The following PTPRT variants were observed in gnomAD, a reference collection of about 807,000 sequenced individuals.
PTPRT encodes the protein receptor-type tyrosine-protein phosphatase T.
A neutral mutation model predicts 176.8 loss-of-function variants in PTPRT; 56 were observed. That is an observed-to-expected ratio of 0.32 (90% CI 0.26 to 0.40). The LOEUF is 0.40. PTPRT is among the 10% of genes least tolerant of loss of function. The pLI is 1.00. For missense variants in PTPRT, 1,540 were observed against 1,908.2 expected (o/e 0.81, Z 3.60); for synonymous variants, 783 against 739.0 (o/e 1.06, Z -0.96).
chr20:42,254,279 C>G (rs1371999048), intron 13 of PTPRT, among the ~76,000 whole-genome samples: 1 of 152,188 alleles, frequency 6.6e-6, no homozygotes, highest in African/African-American at 2.4e-5. Context: ...AGGCCATGAG[C>G]CTTGCTACTC....
At chr20:43,061,936 T>G (rs1018656804) in intron 1 of PTPRT, among the ~76,000 whole-genome samples, 1 of 152,194 alleles carries the variant, frequency 6.6e-6, no homozygotes, top group African/African-American at 2.4e-5. Context: ...GAAGGAACAA[T>G]TGACTGATAC....
At chr20:42,574,197 C>T (rs1269859441) in intron 7 of PTPRT, among the ~76,000 whole-genome samples, 11 of 152,172 alleles carry the variant, frequency 7.2e-5, no homozygotes, top group Non-Finnish European at 1.2e-4. Context: ...ATTTAAAACA[C>T]TCAGAGTTTA....
intron 2 of PTPRT, among the ~76,000 whole-genome samples, chr20:42,861,358 C>T (rs2145793169): frequency 1.3e-5 from 2 of 152,234 alleles, no homozygotes; most frequent in Middle Eastern, 6.8e-3. Context: ...CCTAGACATT[C>T]CCTAACTGAT....
At chr20:42,363,275 T>TAC (rs1349128279) in intron 9 of PTPRT, among the ~76,000 whole-genome samples, 3 of 16,160 alleles carry the variant, frequency 1.9e-4, no homozygotes, top group Admixed American at 1.6e-3. Context: ...TACAATTATA[T>TAC]ATATATATAT....
At chr20:42,701,292 A>G (rs577913224) in intron 6 of PTPRT, among the ~76,000 whole-genome samples, 1 of 152,334 alleles carries the variant, frequency 6.6e-6, no homozygotes, top group South Asian at 2.1e-4. Context: ...TATCCAAACC[A>G]GAATCAGAGA....
intron 1 of PTPRT, among the ~76,000 whole-genome samples, chr20:42,892,534 A>G (rs926980039): frequency 6.6e-6 from 1 of 152,166 alleles, no homozygotes; most frequent in Non-Finnish European, 1.5e-5. Flanking sequence ...AAGGTGGAAA[A>G]TTGCCTTTAC....
chr20:42,405,630 G>A (rs1327781370), intron 9 of PTPRT, among the ~76,000 whole-genome samples: 1 of 152,162 alleles, frequency 6.6e-6, no homozygotes, highest in Admixed American at 6.6e-5. Flanking sequence ...CTTTGCCATT[G>A]TGAATAGTGC....
At chr20:42,859,236 G>GT (rs1303187217) in intron 2 of PTPRT, among the ~76,000 whole-genome samples, 2 of 152,200 alleles carry the variant, frequency 1.3e-5, no homozygotes, top group African/African-American at 4.8e-5. Context: ...TGTGAAGCAA[G>GT]TTGATTTATC....
intron 1 of PTPRT, among the ~76,000 whole-genome samples, chr20:43,134,444 T>G (rs1283323284): frequency 6.6e-6 from 1 of 152,212 alleles, no homozygotes; most frequent in Admixed American, 6.5e-5. Context: ...CTGGCGTGTC[T>G]TCAGGAAGAG....
At chr20:43,141,957 A>G (rs2014023949) in intron 1 of PTPRT, among the ~76,000 whole-genome samples, 1 of 152,192 alleles carries the variant, frequency 6.6e-6, no homozygotes, top group African/African-American at 2.4e-5. Context: ...GCTTTCCTTA[A>G]GACCACAGAC....
intron 15 of PTPRT, 35 bp downstream of exon 15, chr20:42,236,194 G>A: frequency 6.4e-7 from 1 of 1,555,288 alleles, no homozygotes; most frequent in Non-Finnish European, 8.8e-7. Flanking sequence ...CCCTTACAGG[G>A]CACGAAGCAA....
intron 1 of PTPRT, among the ~76,000 whole-genome samples, chr20:42,929,177 G>A (rs1341720923): frequency 6.6e-6 from 1 of 152,218 alleles, no homozygotes; most frequent in African/African-American, 2.4e-5. Flanking sequence ...GATATTTTGT[G>A]CCTTACATGC....
intron 9 of PTPRT, among the ~76,000 whole-genome samples, chr20:42,366,392 T>G (rs1193960613): frequency 1.3e-5 from 2 of 152,340 alleles, no homozygotes; most frequent in East Asian, 1.9e-4. Flanking sequence ...TGCTAAGTGG[T>G]TTTCTCCCTC....
chr20:42,316,171 C>T (rs187475553), intron 11 of PTPRT, among the ~76,000 whole-genome samples, 175 bp from the exon 12 acceptor site: 1 of 152,292 alleles, frequency 6.6e-6, no homozygotes, highest in African/African-American at 2.4e-5. Context: ...AACTTTACCT[C>T]CACTTAGCTG....
chr20:43,047,674 G>A (rs1013516753), intron 1 of PTPRT, among the ~76,000 whole-genome samples: 1 of 147,262 alleles, frequency 6.8e-6, no homozygotes, highest in African/African-American at 2.5e-5. Context: ...ACCTAGTCAT[G>A]CTAATCATAC....
chr20:42,548,485 T>C (rs938442074), intron 7 of PTPRT, among the ~76,000 whole-genome samples: 1 of 152,094 alleles, frequency 6.6e-6, no homozygotes, highest in South Asian at 2.1e-4. Context: ...CATGCAAAGA[T>C]AGATTTCAAA....
intron 14 of PTPRT, among the ~76,000 whole-genome samples, chr20:42,243,796 G>A (rs933230755): frequency 2.0e-5 from 3 of 152,140 alleles, no homozygotes; most frequent in East Asian, 3.9e-4. Flanking sequence ...ACCAACTCAC[G>A]TGATCTTTTC....
chr20:42,217,057 C>G (rs1008095969), intron 15 of PTPRT, among the ~76,000 whole-genome samples: 1 of 152,136 alleles, frequency 6.6e-6, no homozygotes, highest in East Asian at 1.9e-4. Context: ...TATCTTCCAA[C>G]TTTTCTTCAT....
chr20:42,769,402 T>G (rs1000866753), intron 5 of PTPRT, among the ~76,000 whole-genome samples: 2 of 152,146 alleles, frequency 1.3e-5, no homozygotes, highest in Non-Finnish European at 2.9e-5. Flanking sequence ...CTAAGAAATG[T>G]AAATTAAAAC....
Sources: allele counts gnomAD v4.1 joint callset (sites outside exome capture counted in the v4.1 genomes callset), GRCh38; gene constraint gnomAD v4.1.1; transcripts MANE v1.5; gene names NCBI Gene and HGNC (gene_info 2026-07-23, HGNC 2026-07-21).